The following HECW1 variants were observed in gnomAD, a reference collection of about 807,000 sequenced individuals.
HECW1 encodes the protein HECT, C2 and WW domain containing E3 ubiquitin protein ligase 1.
In HECW1, 61 loss-of-function variants were observed where a neutral mutation model predicts 182.3. That is an observed-to-expected ratio of 0.33 (90% confidence interval 0.27 to 0.41). HECW1 has a LOEUF of 0.41. HECW1 is among the 10% of genes least tolerant of loss of function. The pLI, the probability that HECW1 is intolerant of heterozygous loss-of-function variation, is 1.00. For missense variants in HECW1, 1,739 were observed against 2,108.9 expected (o/e 0.82, Z 3.44); for synonymous variants, 859 against 832.6 (o/e 1.03, Z -0.55).
At chr7:43,433,562 C>T (rs746443151) in intron 8 of HECW1, among the ~76,000 whole-genome samples, 12 of 152,186 alleles carry the variant, frequency 7.9e-5, no homozygotes, top group South Asian at 2.1e-4. Context: ...CAGAAGGGTG[C>T]GTGACCCTGT....
At chr7:43,141,373 A>G (rs1788135017) in intron 2 of HECW1, among the ~76,000 whole-genome samples, 2 of 152,204 alleles carry the variant, frequency 1.3e-5, no homozygotes, top group Admixed American at 6.5e-5. Flanking sequence ...TGCTTACCTC[A>G]GAGAACTGCT....
rs115869245 is a variant in HECW1, at chr7:43,299,552, T to C, written c.28-12211T>C. Among the ~76,000 whole-genome samples, 625 of 152,344 alleles carry C rather than the reference T, an allele frequency of 4.1e-3. 5 individuals are homozygous for C. Among genetic ancestry groups the C allele is most frequent in the African/African-American group, 0.014 (591 of 41,582 alleles). On this transcript the variant is annotated intron_variant, in intron 3 of 29. Transcript: ENST00000395891. ...AGAAAAAGACTTAAAAAAAAAAGTTTCCAAACTGCCTCAATTGTTGTCCCT... is the reference window on the plus strand; with the variant it reads ...AGAAAAAGACTTAAAAAAAAAAGTTCCCAAACTGCCTCAATTGTTGTCCCT...
intron 15 of HECW1, 92 bp downstream of exon 15, chr7:43,466,660 A>G (rs1349854066): frequency 1.5e-5 from 20 of 1,376,920 alleles, no homozygotes; most frequent in Non-Finnish European, 1.9e-5. Context: ...AAAAGGGTAG[A>G]ATTTTAACAT....
intron 2 of HECW1, among the ~76,000 whole-genome samples, chr7:43,187,629 C>G (rs531903294): frequency 1.3e-5 from 2 of 151,484 alleles, no homozygotes; most frequent in African/African-American, 4.9e-5. Flanking sequence ...TGAATTTGGG[C>G]TTTTCCTTTA....
chr7:43,214,671 A>C (rs1468398005), intron 2 of HECW1, among the ~76,000 whole-genome samples: 2 of 152,200 alleles, frequency 1.3e-5, no homozygotes, highest in East Asian at 3.8e-4. Context: ...GGAGCATTTC[A>C]TAAAAGGACT....
At chr7:43,533,438 G>C (rs1218031697) in intron 24 of HECW1, among the ~76,000 whole-genome samples, 1 of 152,148 alleles carries the variant, frequency 6.6e-6, no homozygotes, top group Non-Finnish European at 1.5e-5. Context: ...GGTGAATGCA[G>C]TCCCCAGAGT....
At chr7:43,509,701 GGTAT>G (rs1287615104) in intron 24 of HECW1, 9 of 152,264 alleles carry the variant, frequency 5.9e-5, no homozygotes, top group African/African-American at 2.2e-4. Context: ...TGCAGATGTG[GGTAT>G]TAGAGGTCTC....
At chr7:43,174,497 C>T in intron 2 of HECW1, among the ~76,000 whole-genome samples, 1 of 152,202 alleles carries the variant, frequency 6.6e-6, no homozygotes, top group East Asian at 1.9e-4. Context: ...CTTCCTTGAT[C>T]TTCTCCCAGT....
At chr7:43,185,423 G>A (rs907370902) in intron 2 of HECW1, among the ~76,000 whole-genome samples, 2 of 151,064 alleles carry the variant, frequency 1.3e-5, no homozygotes, top group African/African-American at 4.9e-5. Flanking sequence ...TCAATTATAG[G>A]TGACAGCCTG....
chr7:43,303,978 T>C (rs111285883), intron 3 of HECW1, among the ~76,000 whole-genome samples: 2,245 of 152,252 alleles, frequency 0.015, 49 homozygotes, highest in African/African-American at 0.052. Flanking sequence ...ACTTTCTTCT[T>C]ATTTGACAGG....
intron 9 of HECW1, among the ~76,000 whole-genome samples, chr7:43,440,825 A>G (rs1303790005): frequency 6.6e-6 from 1 of 152,234 alleles, no homozygotes; most frequent in East Asian, 1.9e-4. Context: ...GCTTTACTTA[A>G]TGGACTTCTG....
intron 6 of HECW1, among the ~76,000 whole-genome samples, chr7:43,375,429 T>C (rs1054954527): frequency 6.6e-6 from 1 of 152,176 alleles, no homozygotes; most frequent in African/African-American, 2.4e-5. Context: ...GCGAAAATTG[T>C]GGATGGCAGA....
At chr7:43,524,993 A>G (rs1483901610) in intron 24 of HECW1, among the ~76,000 whole-genome samples, 1 of 152,216 alleles carries the variant, frequency 6.6e-6, no homozygotes, top group Non-Finnish European at 1.5e-5. Flanking sequence ...TCTTTACATT[A>G]TCTTATTTCA....
intron 3 of HECW1, among the ~76,000 whole-genome samples, chr7:43,301,952 C>T (rs971591012): frequency 1.3e-5 from 2 of 151,630 alleles, no homozygotes; most frequent in African/African-American, 4.8e-5. Flanking sequence ...GATGCTGGGT[C>T]AAACCACCCA....
chr7:43,221,562 T>TG (rs2152703067), intron 2 of HECW1, among the ~76,000 whole-genome samples: 1 of 107,522 alleles, frequency 9.3e-6, no homozygotes, highest in South Asian at 4.0e-4. Flanking sequence ...TTTTTTTTTT[T>TG]TTTTTTTTTT....
In HECW1 at chr7:43,190,706, G is replaced by T. The variant is rs191166986; in HGVS notation, c.-31-53169G>T. On this transcript the variant is annotated intron_variant, in intron 2 of 29. Transcript: ENST00000395891. The stretch of plus-strand genomic sequence containing the variant: ...CCATCCCAAATGGGGCAGTCTTAAG[G>T]TTTCCAAAAAACCCATCTGCACACA... Among the ~76,000 whole-genome samples the T allele has an allele frequency of 3.0e-4, 46 of 152,228 alleles. No homozygotes were observed. In the East Asian group the frequency reaches 8.3e-3, roughly 28 times the overall value.
chr7:43,314,549 A>G (rs948601918), intron 4 of HECW1, among the ~76,000 whole-genome samples: 4 of 152,238 alleles, frequency 2.6e-5, no homozygotes, highest in Non-Finnish European at 2.9e-5. Flanking sequence ...TAGCCATATC[A>G]GGTATTACGA....
intron 3 of HECW1, among the ~76,000 whole-genome samples, chr7:43,257,695 T>A (rs1800724774): frequency 6.6e-6 from 1 of 152,146 alleles, no homozygotes; most frequent in African/African-American, 2.4e-5. Flanking sequence ...CTCAACAGAG[T>A]ACCAGGAATT....
At chr7:43,325,784 C>G (rs1810683480) in intron 5 of HECW1, among the ~76,000 whole-genome samples, 1 of 152,206 alleles carries the variant, frequency 6.6e-6, no homozygotes, top group Non-Finnish European at 1.5e-5. Flanking sequence ...CAGTCTTAGG[C>G]TCGGCCTGTC....
Sources: allele counts gnomAD v4.1 joint callset (sites outside exome capture counted in the v4.1 genomes callset), GRCh38; gene constraint gnomAD v4.1.1; transcripts MANE v1.5; gene names NCBI Gene and HGNC (gene_info 2026-07-23, HGNC 2026-07-21).